TUBA8: variants seen among roughly 807,000 people sequenced by gnomAD.
TUBA8 encodes tubulin alpha-8 chain.
In TUBA8, 29 loss-of-function variants were observed where a neutral mutation model predicts 34.7. That is an observed-to-expected ratio of 0.84 (90% CI 0.62 to 1.14). The LOEUF (loss-of-function observed/expected upper bound fraction) is 1.14, where lower values mean the gene tolerates loss of function less well. TUBA8 is among the 50% of genes most tolerant of loss of function. The pLI is 0.00. For synonymous variants in TUBA8, 226 were observed against 231.2 expected (o/e 0.98, Z 0.21); for missense variants, 541 against 599.2 (o/e 0.90, Z 1.01).
At chr22:18,125,949 G>A (rs1928301236) in intron 3 of TUBA8, 2 of 269,638 alleles carry the variant, frequency 7.4e-6, no homozygotes, top group South Asian at 8.6e-5. Flanking sequence ...GCAGCCATGA[G>A]CTCCTGGGCT....
At position 18,111,173 on chromosome 22, in the gene TUBA8, G is replaced by T; in HGVS notation, c.3+305G>T. 7.3e-6 allele frequency: 4 copies of T among 549,950 alleles called. No homozygotes were observed. Among genetic ancestry groups the T allele is most frequent in the Non-Finnish European group, 1.3e-5 (4 of 308,270 alleles). 34.1% of individuals were successfully genotyped at this position (549,950 alleles called of 1,614,324 possible). On this transcript the variant is annotated intron_variant, in intron 1 of 4. Coordinates refer to ENST00000330423, the MANE Select transcript of TUBA8 (RefSeq NM_018943.3). The surrounding 1 kb of genome is among the most constrained non-coding windows in gnomAD (Gnocchi z 5.1). ...ACGGAGAAGGGGGCGAGATTCTGGG[G>T]TCCCCAGATGGGCAGCCTGTGGACA...
chr22:18,126,503 C>G lies in TUBA8; in HGVS notation c.525C>G (p.Pro175=). 3 of 1,614,130 alleles carry G rather than the reference C, an allele frequency of 1.9e-6. No individual in the cohort carries two copies. Among genetic ancestry groups the G allele is most frequent in the Non-Finnish European group, 2.5e-6 (3 of 1,180,024 alleles). The change falls in exon 4 of 5, where the codon CCC becomes CCG. Residue 175 remains proline (P), a synonymous_variant. Transcript: ENST00000330423. This position sits in a 1 kb window ranked among gnomAD's most constrained non-coding sequence, Gnocchi z 4.0. ...TGGAGTTTGCCATCTACCCAGCCCC[C>G]CAGGTCTCTACTGCAGTGGTGGAGC... is the stretch of plus-strand genomic sequence containing the variant. ...SKLEFAIYPA[P]QVSTAVVEPY...
chr22:18,130,891 G>GCC lies in TUBA8; in HGVS notation c.1106_1107dup (p.Lys370ProfsTer57). ...GACCGTGGTCCCCGGGGGAGACCTG[G>GCC]CCAAGGTGCAGCGGGCCGTCTGCAT... On this transcript the variant is annotated frameshift_variant, in exon 5 of 5. Transcript: ENST00000330423. LOFTEE classifies it high-confidence loss of function. 1.2e-6 allele frequency: 2 copies of GCC among 1,614,122 alleles called. No individual in the cohort carries two copies. The highest frequency in any genetic ancestry group is 1.7e-6 in the Non-Finnish European group (2 of 1,180,024).
intron 1 of TUBA8, chr22:18,116,762 G>A (rs1466025805): frequency 6.6e-6 from 1 of 152,298 alleles, no homozygotes; most frequent in East Asian, 1.9e-4. Flanking sequence ...AGGCTGGGGA[G>A]GGTAATGGGG....
rs1045702371 is a variant in TUBA8, at chr22:18,111,017, C to A, written c.3+149C>A. The A allele has an allele frequency of 4.1e-6, 5 of 1,219,956 alleles. No homozygotes were observed. Among genetic ancestry groups the A allele is most frequent in the South Asian group, 2.6e-5 (2 of 75,686 alleles). 75.6% of individuals were successfully genotyped at this position (1,219,956 alleles called of 1,614,324 possible). On this transcript the variant is annotated intron_variant, in intron 1 of 4. Coordinates refer to ENST00000330423, the MANE Select transcript of TUBA8 (RefSeq NM_018943.3). This position sits in a 1 kb window ranked among gnomAD's most constrained non-coding sequence, Gnocchi z 5.1. Reference sequence around the variant, plus strand: ...TGGCAGTTCAGGGTCGAGGAGTCCGCACCCTCGGGCGGGAACACCCGGTGC... The same window carrying A: ...TGGCAGTTCAGGGTCGAGGAGTCCGAACCCTCGGGCGGGAACACCCGGTGC...
At chr22:18,127,332 TCACCTGAAGTA>T in intron 4 of TUBA8, 1 of 365,700 alleles carries the variant, frequency 2.7e-6, no homozygotes, top group Non-Finnish European at 5.0e-6. Context: ...CCAAATCTAC[TCACCTGAAGTA>T]CAGTGCTTTT....
In TUBA8 at chr22:18,118,844, A is replaced by G. The variant is rs537299964; in HGVS notation, c.4-2635A>G. 2.6e-4 allele frequency: 40 copies of G among 152,324 alleles called. No individual in the cohort carries two copies. The highest frequency in any genetic ancestry group is 8.7e-4 in the African/African-American group (36 of 41,560). 9.4% of individuals were successfully genotyped at this position (152,324 alleles called of 1,614,324 possible). ...TTAGTGTGAGATTAATGAGGGCATT[A>G]AAAGAGGCTAAAGACGTTGTCACCA... On this transcript the variant is annotated intron_variant, in intron 1 of 4. Transcript: ENST00000330423. The surrounding 1 kb of genome is among the most constrained non-coding windows in gnomAD (Gnocchi z 4.0).
At chr22:18,113,195 C>T (rs1927863985) in intron 1 of TUBA8, 1 of 152,292 alleles carries the variant, frequency 6.6e-6, no homozygotes, top group South Asian at 2.1e-4. Context: ...ACCACCAATA[C>T]CCTTTAGCAT....
intron 1 of TUBA8, chr22:18,112,596 A>C (rs1927847045): frequency 1.3e-5 from 2 of 152,232 alleles, no homozygotes; most frequent in South Asian, 4.1e-4. Context: ...TGATCCACAG[A>C]CGTGTTTCTG....
In TUBA8 at chr22:18,110,918, A is replaced by T; in HGVS notation, c.3+50A>T. 1 of 1,538,472 alleles carries T rather than the reference A, an allele frequency of 6.5e-7. No individual in the cohort carries two copies. ...GCTGCGGGCGCGCGGCAGGCGTAGG[A>T]CCGAGAGCCGAGTCTACGCGGAGGC... On this transcript the variant is annotated intron_variant, in intron 1 of 4. Coordinates refer to ENST00000330423, the MANE Select transcript of TUBA8 (RefSeq NM_018943.3). This position sits in a 1 kb window ranked among gnomAD's most constrained non-coding sequence, Gnocchi z 6.2.
intron 2 of TUBA8, chr22:18,123,824 C>T (rs1928232381): frequency 5.8e-6 from 2 of 344,898 alleles, no homozygotes; most frequent in Non-Finnish European, 1.1e-5. Flanking sequence ...ATCTGCCCGC[C>T]TCGGCCTCCC....
In TUBA8 at chr22:18,131,262, G is replaced by T; in HGVS notation, c.*126G>T. On this transcript the variant is annotated 3_prime_UTR_variant, in exon 5 of 5. Transcript: ENST00000330423. The surrounding 1 kb of genome is among the most constrained non-coding windows in gnomAD (Gnocchi z 5.3). ...TGCCTTACCCAGGAGGAGGGTGCCT[G>T]GCCCCAGTACCCAGGGTGGCACGAC... The T allele has an allele frequency of 3.7e-6, 4 of 1,083,372 alleles. No homozygotes were observed. The South Asian group carries it at 5.5e-5, about 15-fold the overall frequency. The allele number at this position is 1,083,372 out of a possible 1,614,324, so 67.1% of individuals were successfully genotyped here.
intron 1 of TUBA8, chr22:18,117,057 C>T (rs1402446156): frequency 3.3e-5 from 5 of 152,198 alleles, no homozygotes; most frequent in Non-Finnish European, 5.9e-5. Flanking sequence ...GAGGGCAGTC[C>T]GTGCTCCTAT....
Position 18,124,166 on chromosome 22 carries a change from G to A in TUBA8, c.237G>A (p.Arg79=). 2 of 1,614,164 alleles carry A rather than the reference G, an allele frequency of 1.2e-6. No individual in the cohort carries two copies. The highest frequency in any genetic ancestry group is 1.7e-6 in the Non-Finnish European group (2 of 1,180,038). The change falls in exon 3 of 5, where the codon CGG becomes CGA. Residue 79 remains arginine (R), a synonymous_variant. Coordinates refer to ENST00000330423, the MANE Select transcript of TUBA8 (RefSeq NM_018943.3). This position sits in a 1 kb window ranked among gnomAD's most constrained non-coding sequence, Gnocchi z 4.3. ...TTCCTCTCTTGGAAGATGAGGTTCG[G>A]GCAGGAACCTACCGCCAGCTCTTCC... ...DLEPTVVDEV[R]AGTYRQLFHP... is the part of the protein sequence containing the mutation.
intron 4 of TUBA8, chr22:18,128,515 T>G (rs1928407370): frequency 6.6e-6 from 1 of 152,240 alleles, no homozygotes; most frequent in Non-Finnish European, 1.5e-5. Context: ...CATTAACTAC[T>G]GCCCTGTAGT....
chr22:18,121,714 G>A lies in TUBA8; in HGVS notation c.226+13G>A. ...CCTACTGTAGTGGGTGAGTGGGGGC[G>A]GAGTTCCCCTCCACAGAGAACATCT... On this transcript the variant is annotated intron_variant, in intron 2 of 4. Coordinates refer to ENST00000330423, the MANE Select transcript of TUBA8 (RefSeq NM_018943.3). The surrounding 1 kb of genome is among the most constrained non-coding windows in gnomAD (Gnocchi z 4.8). 3 of 1,609,212 alleles carry A rather than the reference G, an allele frequency of 1.9e-6. No homozygotes were observed. The highest frequency in any genetic ancestry group is 1.7e-4 in the Middle Eastern group (1 of 6,056).
chr22:18,125,129 C>T (rs910377021), intron 3 of TUBA8: 25 of 152,326 alleles, frequency 1.6e-4, no homozygotes, highest in Admixed American at 1.1e-3. Flanking sequence ...GTGCTTACAA[C>T]GTATCAGGCC....
chr22:18,123,996 T>G, intron 2 of TUBA8, 160 bp from the exon 3 acceptor site: 1 of 859,006 alleles, frequency 1.2e-6, no homozygotes, highest in Admixed American at 2.1e-5. Flanking sequence ...TACCCGGGAA[T>G]TCTCTTAGCC....
Position 18,121,387 on chromosome 22 carries a change from G to A in TUBA8, c.4-92G>A, listed in dbSNP as rs2123699551. The A allele has an allele frequency of 3.4e-6, 4 of 1,173,536 alleles. No homozygotes were observed. Among genetic ancestry groups the A allele is most frequent in the Non-Finnish European group, 5.1e-6 (4 of 782,470 alleles). 72.7% of individuals were successfully genotyped at this position (1,173,536 alleles called of 1,614,324 possible). Reference sequence around the variant, plus strand: ...ACTGGCAATGGGGGGCTGGGGCCTGGCTGGCCTGCAAGGTGAATGTTATGG... The same window carrying A: ...ACTGGCAATGGGGGGCTGGGGCCTGACTGGCCTGCAAGGTGAATGTTATGG... On this transcript the variant is annotated intron_variant, in intron 1 of 4. Coordinates refer to ENST00000330423, the MANE Select transcript of TUBA8 (RefSeq NM_018943.3). This position sits in a 1 kb window ranked among gnomAD's most constrained non-coding sequence, Gnocchi z 4.8.
Sources: gnomAD v4.1 joint callset for allele counts on GRCh38, gnomAD v4.1.1 for gene constraint, Gnocchi (gnomAD v3.1) non-coding constraint, MANE v1.5 for transcripts, NCBI Gene and HGNC (gene_info 2026-07-23, HGNC 2026-07-21) for gene names.